The following DLGAP1 variants were observed in gnomAD, a reference collection of about 807,000 sequenced individuals.
The protein encoded by DLGAP1 is DLG associated protein 1, also known as disks large-associated protein 1.
Under a neutral mutation model 90.8 loss-of-function variants are expected in DLGAP1, and 11 were observed. The ratio of observed to expected loss-of-function variants is 0.12; its 90% CI spans 0.08 to 0.20. The LOEUF (loss-of-function observed/expected upper bound fraction) is 0.20. Among genes scored for constraint, DLGAP1 ranks in the 10% least tolerant of loss-of-function variants. DLGAP1 has a pLI of 1.00. For synonymous variants in DLGAP1, 558 were observed against 540.7 expected (o/e 1.03, Z -0.44); for missense variants, 1,050 against 1,333.8 (o/e 0.79, Z 3.31).
chr18:3,880,944 GAAAAAAAAA>G (rs1173817359), intron 3 of DLGAP1, among the ~76,000 whole-genome samples: 735 of 38,386 alleles, frequency 0.019, 9 homozygotes, highest in African/African-American at 0.062. Context: ...CTCCATCTCA[GAAAAAAAAA>G]AAAAAAAAAA....
intron 7 of DLGAP1, among the ~76,000 whole-genome samples, chr18:3,651,823 T>G (rs1238376406): frequency 6.6e-6 from 1 of 151,566 alleles, no homozygotes; most frequent in Non-Finnish European, 1.5e-5. Flanking sequence ...AAATACAAAA[T>G]AGCCGGGCGT....
chr18:4,064,414 T>G (rs1316375824), intron 2 of DLGAP1, among the ~76,000 whole-genome samples: 1 of 141,640 alleles, frequency 7.1e-6, no homozygotes, highest in African/African-American at 2.8e-5. Context: ...CCACGAGATT[T>G]TTCTTGAAAA....
chr18:3,650,698 A>G (rs540642777), intron 7 of DLGAP1, among the ~76,000 whole-genome samples: 3 of 152,318 alleles, frequency 2.0e-5, no homozygotes, highest in South Asian at 4.1e-4. Context: ...GGAAGGAAGG[A>G]AGGAACTCCT....
chr18:3,772,605 C>T (rs1950270337), intron 5 of DLGAP1, among the ~76,000 whole-genome samples: 1 of 151,330 alleles, frequency 6.6e-6, no homozygotes, highest in Non-Finnish European at 1.5e-5. Context: ...ATTTTACATT[C>T]ATGTGATCAT....
At chr18:3,936,686 T>A (rs2072648118) in intron 3 of DLGAP1, among the ~76,000 whole-genome samples, 1 of 152,198 alleles carries the variant, frequency 6.6e-6, no homozygotes, top group African/African-American at 2.4e-5. Context: ...TTAAATATGA[T>A]GTTTGAATGA....
intron 1 of DLGAP1, among the ~76,000 whole-genome samples, chr18:4,227,978 A>G (rs929964500): frequency 6.6e-6 from 1 of 151,832 alleles, no homozygotes; most frequent in Non-Finnish European, 1.5e-5. Flanking sequence ...ATACAGAGAG[A>G]GAAGACCCAA....
At chr18:3,974,962 G>A (rs1266036622) in intron 3 of DLGAP1, among the ~76,000 whole-genome samples, 2 of 152,092 alleles carry the variant, frequency 1.3e-5, no homozygotes, top group African/African-American at 2.4e-5. Flanking sequence ...CTACTTATAT[G>A]AGGTAACTAA....
At chr18:4,196,589 G>A (rs184207343) in intron 1 of DLGAP1, among the ~76,000 whole-genome samples, 1 of 152,344 alleles carries the variant, frequency 6.6e-6, no homozygotes, top group African/African-American at 2.4e-5. Context: ...ACAGCAGGAT[G>A]TGCTGAGAAC....
At chr18:4,353,538 A>T (rs2081442997) in intron 1 of DLGAP1, among the ~76,000 whole-genome samples, 1 of 152,164 alleles carries the variant, frequency 6.6e-6, no homozygotes, top group Non-Finnish European at 1.5e-5. Context: ...CATTGTAAAA[A>T]GCTTTCTGCA....
intron 1 of DLGAP1, among the ~76,000 whole-genome samples, chr18:4,300,426 A>G (rs1270600423): frequency 6.6e-6 from 1 of 152,116 alleles, no homozygotes; most frequent in African/African-American, 2.4e-5. Flanking sequence ...TTGCCCTAAA[A>G]CCTATTCCCA....
At chr18:3,506,622 C>A (rs1291681387) in intron 11 of DLGAP1, among the ~76,000 whole-genome samples, 1 of 146,590 alleles carries the variant, frequency 6.8e-6, no homozygotes, top group Non-Finnish European at 1.5e-5. Context: ...AAAATATGTA[C>A]AATGTTTACA....
At chr18:4,214,788 C>T (rs1435549110) in intron 1 of DLGAP1, among the ~76,000 whole-genome samples, 2 of 152,102 alleles carry the variant, frequency 1.3e-5, no homozygotes, top group African/African-American at 4.8e-5. Context: ...TGAACTTAGT[C>T]TAATCAGGGC....
At chr18:4,072,297 ACTT>A (rs2075460092) in intron 2 of DLGAP1, among the ~76,000 whole-genome samples, 1 of 50,024 alleles carries the variant, frequency 2.0e-5, no homozygotes, top group Middle Eastern at 0.011. Flanking sequence ...TAATGATGAA[ACTT>A]TTTTTTTTTT....
intron 7 of DLGAP1, among the ~76,000 whole-genome samples, chr18:3,661,713 A>ATTACAGGCGCCTGCCACC (rs2059690513): frequency 6.6e-6 from 1 of 151,176 alleles, no homozygotes; most frequent in African/African-American, 2.4e-5. Flanking sequence ...CGTAGCTGGG[A>ATTACAGGCGCCTGCCACC]TTACAGGCGC....
intron 4 of DLGAP1, among the ~76,000 whole-genome samples, chr18:3,827,149 C>G (rs1210548219): frequency 6.6e-6 from 1 of 152,144 alleles, no homozygotes; most frequent in Admixed American, 6.5e-5. Context: ...AGCTTACTAT[C>G]TAAGACTGGG....
intron 5 of DLGAP1, among the ~76,000 whole-genome samples, chr18:3,771,646 TCC>T (rs1361341675): frequency 3.9e-5 from 6 of 152,236 alleles, no homozygotes; most frequent in Non-Finnish European, 5.9e-5. Flanking sequence ...TTCAAGTTTT[TCC>T]ATGTTTGACG....
chr18:4,011,170 C>T (rs933552774), intron 2 of DLGAP1, among the ~76,000 whole-genome samples: 19 of 109,490 alleles, frequency 1.7e-4, no homozygotes, highest in Admixed American at 8.9e-4. Flanking sequence ...AGCAAGATTC[C>T]GCCTCAAAAA....
intron 2 of DLGAP1, among the ~76,000 whole-genome samples, chr18:4,083,130 G>A (rs1015895785): frequency 6.6e-6 from 1 of 152,126 alleles, no homozygotes; most frequent in Non-Finnish European, 1.5e-5. Flanking sequence ...ATTGGTAGGG[G>A]GTAGAGTAGA....
intron 7 of DLGAP1, among the ~76,000 whole-genome samples, chr18:3,584,398 C>T (rs960368830): frequency 3.9e-5 from 6 of 152,014 alleles, no homozygotes; most frequent in East Asian, 3.9e-4. Flanking sequence ...GAAATACTTG[C>T]TTCAACATTG....
Sources: gnomAD v4.1 joint callset for allele counts (sites outside exome capture counted in the v4.1 genomes callset) on GRCh38, gnomAD v4.1.1 for gene constraint, MANE v1.5 for transcripts, NCBI Gene and HGNC (gene_info 2026-07-23, HGNC 2026-07-21) for gene names.